The following SBK1 variants were observed in gnomAD, a reference collection of about 807,000 sequenced individuals.
The protein encoded by SBK1 is serine/threonine-protein kinase SBK1.
SBK1 carries 11 observed loss-of-function variants against 24.4 expected under a neutral mutation model. The ratio of observed to expected loss-of-function variants is 0.45; its 90% CI spans 0.28 to 0.75. The LOEUF (loss-of-function observed/expected upper bound fraction) is 0.75, where lower values mean the gene tolerates loss of function less well. Among genes scored for constraint, SBK1 ranks in the 30% least tolerant of loss-of-function variants. The pLI is 0.12. For missense variants in SBK1, 467 were observed against 620.5 expected (o/e 0.75, Z 2.63); for synonymous variants, 308 against 284.4 (o/e 1.08, Z -0.83).
Position 28,322,939 on chromosome 16 carries a change from T to TCTCC in SBK1, c.*2021_*2022insCCTC. 2.1e-5 allele frequency: 1 copy of TCTCC among 48,412 alleles called. No homozygotes were observed. Among genetic ancestry groups the TCTCC allele is most frequent in the African/African-American group, 8.4e-5 (1 of 11,922 alleles). The allele number at this position is 48,412 out of a possible 1,614,324, so 3.0% of individuals were successfully genotyped here. A position where few individuals can be genotyped will look rare whatever the true frequency, so the allele number is the denominator to read the frequency against. ...CGCGCGCTCTCTCTCTCCCTCTCTCTCTCTCTCTCTCTCTCTCTCTCTCTC... is the reference window on the plus strand; with the variant it reads ...CGCGCGCTCTCTCTCTCCCTCTCTCTCTCCCTCTCTCTCTCTCTCTCTCTCTCTC... On this transcript the variant is annotated 3_prime_UTR_variant, in exon 4 of 4. Coordinates refer to ENST00000341901, the MANE Select transcript of SBK1 (RefSeq NM_001024401.3).
upstream of SBK1, chr16:28,291,042 A>G (rs2044595588): frequency 6.6e-6 from 1 of 152,214 alleles, no homozygotes; most frequent in South Asian, 2.1e-4. Flanking sequence ...CCAGTCGCTC[A>G]TGTCTGCGCC....
At chr16:28,262,928 T>C (rs975176139) in intron 1 of SBK1, among the ~76,000 whole-genome samples, 1 of 152,094 alleles carries the variant, frequency 6.6e-6, no homozygotes, top group Non-Finnish European at 1.5e-5. Flanking sequence ...CTTTCAGGGA[T>C]CCAGGCTCCT....
At position 28,292,788 on chromosome 16, in the gene SBK1, G is replaced by A; in HGVS notation, c.-520G>A. On this transcript the variant is annotated 5_prime_UTR_variant, in exon 1 of 4. Coordinates refer to ENST00000341901, the MANE Select transcript of SBK1 (RefSeq NM_001024401.3). The stretch of plus-strand genomic sequence containing the variant: ...CATCCAGGATCCGGCGAGCCTCGGG[G>A]AAGAGGGGGGGCCCTCCCGGATCCG... 1.0e-6 allele frequency: 1 copy of A among 985,414 alleles called. No individual in the cohort carries two copies. The highest frequency in any genetic ancestry group is 1.2e-6 in the Non-Finnish European group (1 of 829,900). 61.0% of individuals were successfully genotyped at this position (985,414 alleles called of 1,614,324 possible).
At chr16:28,316,291 C>T (rs1428523816) in intron 1 of SBK1, among the ~76,000 whole-genome samples, 1 of 152,136 alleles carries the variant, frequency 6.6e-6, no homozygotes. Flanking sequence ...TCCCCACCCC[C>T]TACCTTATGG....
chr16:28,280,171 G>GTGTGTGTA (rs1247488558), intron 1 of SBK1, among the ~76,000 whole-genome samples: 13 of 109,574 alleles, frequency 1.2e-4, no homozygotes, highest in African/African-American at 3.2e-4. Flanking sequence ...GTGTGTGTGT[G>GTGTGTGTA]TATGTATATA....
intron 1 of SBK1, among the ~76,000 whole-genome samples, chr16:28,279,126 G>A (rs973470424): frequency 2.7e-5 from 4 of 150,526 alleles, no homozygotes; most frequent in Non-Finnish European, 4.4e-5. Flanking sequence ...AGAATCACTT[G>A]AACCCAAGAG....
chr16:28,272,137 A>T (rs2044469259), intron 1 of SBK1, among the ~76,000 whole-genome samples: 2 of 152,136 alleles, frequency 1.3e-5, no homozygotes, highest in Non-Finnish European at 2.9e-5. Context: ...GAGTACAATC[A>T]CAGCTCACTG....
chr16:28,307,776 A>AAAAT lies in SBK1; in HGVS notation c.-7-9596_-7-9593dup, dbSNP rs951615148. ...AAAAAAGAAGAAAGAAAGAAAAGAA[A>AAAAT]AAATAAATAAATAAATTTCAAGATG... On this transcript the variant is annotated intron_variant, in intron 1 of 3. Transcript: ENST00000341901. 2.0e-5 allele frequency among the ~76,000 whole-genome samples: 3 copies of AAAAT among 152,058 alleles called. No homozygotes were observed. In the East Asian group the frequency reaches 5.8e-4, roughly 29 times the overall value.
At chr16:28,306,434 G>A (rs2141583944) in intron 1 of SBK1, among the ~76,000 whole-genome samples, 1 of 152,326 alleles carries the variant, frequency 6.6e-6, no homozygotes, top group African/African-American at 2.4e-5. Context: ...GGTTTGAGTT[G>A]AGTTTATGTA....
rs186502553 is a variant in SBK1 at position 28,293,055 on chromosome 16, C to T, written c.-253C>T. 2.0e-4 allele frequency: 202 copies of T among 985,544 alleles called. 2 individuals are homozygous for T. In the Admixed American group the frequency reaches 0.011, roughly 52 times the overall value. The allele number at this position is 985,544 out of a possible 1,614,324, so 61.0% of individuals were successfully genotyped here. The stretch of plus-strand genomic sequence containing the variant: ...GCCCCTAGATCAGGGGATCCCAATT[C>T]CCCCCAACTCCGGTACATAGAAATC... On this transcript the variant is annotated 5_prime_UTR_variant, in exon 1 of 4. Coordinates refer to ENST00000341901, the MANE Select transcript of SBK1 (RefSeq NM_001024401.3).
chr16:28,263,398 G>T (rs933602016), intron 1 of SBK1, among the ~76,000 whole-genome samples: 1 of 152,240 alleles, frequency 6.6e-6, no homozygotes, highest in African/African-American at 2.4e-5. Flanking sequence ...AAACAGGGAG[G>T]TGAGGATATT....
chr16:28,304,357 G>A (rs1029807832), intron 1 of SBK1, among the ~76,000 whole-genome samples: 1 of 152,092 alleles, frequency 6.6e-6, no homozygotes, highest in African/African-American at 2.4e-5. Context: ...GAAGACACTG[G>A]AGCTGGAGAG....
intron 1 of SBK1, among the ~76,000 whole-genome samples, chr16:28,296,091 A>G (rs903993349): frequency 2.7e-4 from 38 of 141,218 alleles, no homozygotes; most frequent in African/African-American, 1.0e-3. Context: ...ACATCCAGCT[A>G]ATTTTTTTTT....
intron 1 of SBK1, among the ~76,000 whole-genome samples, chr16:28,276,683 G>A (rs2044495461): frequency 6.6e-6 from 1 of 151,786 alleles, no homozygotes; most frequent in African/African-American, 2.4e-5. Context: ...TATTTATTTA[G>A]GGGCGGAGTC....
intron 1 of SBK1, among the ~76,000 whole-genome samples, chr16:28,276,781 C>T (rs2044496016): frequency 6.6e-6 from 1 of 152,118 alleles, no homozygotes; most frequent in Non-Finnish European, 1.5e-5. Flanking sequence ...TTTCCTGCCT[C>T]AGCCTCCCAA....
rs989709565 is a variant in SBK1, at chr16:28,322,884, C to T, written c.*1963C>T. On this transcript the variant is annotated 3_prime_UTR_variant, in exon 4 of 4. Transcript: ENST00000341901. ...CTAGGAATCGAGATTCCACAGTAGA[C>T]GTCCCTTGCCGTGCTCGCTCTCTCT... The T allele has an allele frequency of 2.0e-5, 3 of 148,314 alleles. No individual in the cohort carries two copies. The highest frequency in any genetic ancestry group is 6.9e-5 in the Admixed American group (1 of 14,584). The allele number at this position is 148,314 out of a possible 1,614,324, so 9.2% of individuals were successfully genotyped here.
rs2044807486 is a variant in SBK1 at position 28,317,627 on chromosome 16, T to G, written c.226+10T>G. 1 of 1,548,400 alleles carries G rather than the reference T, an allele frequency of 6.5e-7. No individual in the cohort carries two copies. The highest frequency in any genetic ancestry group is 8.9e-7 in the Non-Finnish European group (1 of 1,126,988). ...GTCTACAAGGGCACAGGTGAACAAGTGCAGGGTGGCAGGGCTGAGAGGTTG... is the reference window on the plus strand; with the variant it reads ...GTCTACAAGGGCACAGGTGAACAAGGGCAGGGTGGCAGGGCTGAGAGGTTG... On this transcript the variant is annotated intron_variant, in intron 2 of 3. Coordinates refer to ENST00000341901, the MANE Select transcript of SBK1 (RefSeq NM_001024401.3). This position sits in a 1 kb window ranked among gnomAD's most constrained non-coding sequence, Gnocchi z 4.2.
intron 1 of SBK1, among the ~76,000 whole-genome samples, chr16:28,313,162 G>A (rs1309330199): frequency 6.6e-6 from 1 of 152,260 alleles, no homozygotes; most frequent in Non-Finnish European, 1.5e-5. Flanking sequence ...GGGCGTGGTG[G>A]CACGTGCCTG....
chr16:28,280,350 A>AAT (rs535039780), intron 1 of SBK1, among the ~76,000 whole-genome samples: 1,647 of 139,444 alleles, frequency 0.012, 33 homozygotes, highest in African/African-American at 0.036. Flanking sequence ...ATATATATAA[A>AAT]ATATATATAT....
Sources: allele counts gnomAD v4.1 joint callset (sites outside exome capture counted in the v4.1 genomes callset), GRCh38; gene constraint gnomAD v4.1.1; non-coding constraint Gnocchi (gnomAD v3.1); transcripts MANE v1.5; gene names NCBI Gene and HGNC (gene_info 2026-07-23, HGNC 2026-07-21).